Variants in SUPT3H observed in about 807,000 individuals in gnomAD.
SUPT3H encodes the protein SPT3 homolog, SAGA and STAGA complex component.
A neutral mutation model predicts 44.3 loss-of-function variants in SUPT3H; 44 were observed. That is an observed-to-expected ratio of 0.99 (90% confidence interval 0.78 to 1.28). The LOEUF is 1.28. Among genes scored for constraint, SUPT3H ranks in the 50% most tolerant of loss-of-function variants. The pLI is 0.00. For missense variants in SUPT3H, 380 were observed against 387.1 expected (o/e 0.98, Z 0.15); for synonymous variants, 124 against 125.6 (o/e 0.99, Z 0.09).
intron 2 of SUPT3H, among the ~76,000 whole-genome samples, chr6:45,251,820 T>C (rs1444350623): frequency 6.6e-6 from 1 of 152,176 alleles, no homozygotes; most frequent in Non-Finnish European, 1.5e-5. Context: ...TGATGATAAA[T>C]GTCAGTATTT....
At chr6:45,181,536 A>G (rs1395111955) in intron 2 of SUPT3H, among the ~76,000 whole-genome samples, 5 of 151,924 alleles carry the variant, frequency 3.3e-5, no homozygotes, top group South Asian at 2.1e-4. Flanking sequence ...CTATGCAGCC[A>G]TAAAAAATGA....
Position 44,906,492 on chromosome 6 carries a change from G to A in SUPT3H, c.912+26161C>T, listed in dbSNP as rs186906207. Among the ~76,000 whole-genome samples, 73 of 152,278 alleles carry A rather than the reference G, an allele frequency of 4.8e-4. 1 individual carries two copies. The East Asian group carries it at 0.011, about 23-fold the overall frequency. ...TAAAACAAAAGCAGTGGCTGGGCGC[G>A]GTGGCTCATGCCTGTAATCGCAGCG... On this transcript the variant is annotated intron_variant, in intron 10 of 10. Coordinates refer to ENST00000371459, the MANE Select transcript of SUPT3H (RefSeq NM_003599.4).
intron 9 of SUPT3H, 133 bp downstream of exon 9, chr6:44,953,177 G>T: frequency 1.5e-6 from 1 of 663,128 alleles, no homozygotes; most frequent in Non-Finnish European, 2.6e-6. Context: ...TTATTTGAAT[G>T]TCTAATGTAT....
chr6:45,141,813 A>C (rs1805263632), intron 2 of SUPT3H, among the ~76,000 whole-genome samples: 1 of 152,230 alleles, frequency 6.6e-6, no homozygotes, highest in Non-Finnish European at 1.5e-5. Flanking sequence ...AGAGAAATCT[A>C]AAGTGTGGAA....
At chr6:45,185,775 G>A (rs916191596) in intron 2 of SUPT3H, among the ~76,000 whole-genome samples, 3 of 152,152 alleles carry the variant, frequency 2.0e-5, no homozygotes, top group African/African-American at 7.2e-5. Context: ...TAAAACCTTT[G>A]CTTGGAGACT....
chr6:45,304,156 G>A (rs9381383), intron 2 of SUPT3H, among the ~76,000 whole-genome samples: 60,938 of 151,758 alleles, frequency 0.4, 12,645 homozygotes, highest in East Asian at 0.71. Flanking sequence ...CTTTATAAAT[G>A]GAAAAATAAT....
At chr6:45,252,052 A>ATAT (rs1253187544) in intron 2 of SUPT3H, among the ~76,000 whole-genome samples, 8 of 152,232 alleles carry the variant, frequency 5.3e-5, no homozygotes, top group Non-Finnish European at 8.8e-5. Context: ...GAAGATGAAG[A>ATAT]TATGGTCAAC....
intron 10 of SUPT3H, among the ~76,000 whole-genome samples, chr6:44,837,889 T>C (rs888117233): frequency 2.0e-5 from 3 of 152,208 alleles, no homozygotes; most frequent in Admixed American, 1.3e-4. Context: ...TTCAAGGTCT[T>C]AGACAATACT....
rs78914350 is a variant in SUPT3H at position 45,249,335 on chromosome 6, G to C, written c.101+115866C>G. Among the ~76,000 whole-genome samples, 1,421 of 151,886 alleles carry C rather than the reference G, an allele frequency of 9.4e-3. 22 individuals are homozygous for C. The highest frequency in any genetic ancestry group is 0.033 in the African/African-American group (1,358 of 41,402). On this transcript the variant is annotated intron_variant, in intron 2 of 10. Transcript: ENST00000371459. ...GCAAACATTACATGCTCTAACTTAA[G>C]AAGGAAATAGTATATCTAGTCAAAT...
At chr6:44,847,958 C>CTTTTTTGTTTTTTTTTTT (rs1772171388) in intron 10 of SUPT3H, among the ~76,000 whole-genome samples, 1 of 58,350 alleles carries the variant, frequency 1.7e-5, no homozygotes, top group African/African-American at 6.9e-5. Flanking sequence ...ATCTCTGTGT[C>CTTTTTTGTTTTTTTTTTT]TTTTTTTTTT....
chr6:45,244,729 C>G (rs1266858050), intron 2 of SUPT3H, among the ~76,000 whole-genome samples: 1 of 152,168 alleles, frequency 6.6e-6, no homozygotes, highest in Admixed American at 6.6e-5. Context: ...CTTCCACACC[C>G]AACATTCTCT....
intron 2 of SUPT3H, among the ~76,000 whole-genome samples, chr6:45,205,009 A>T (rs1378642599): frequency 2.6e-5 from 4 of 152,192 alleles, no homozygotes. Context: ...GTTGGGCTCA[A>T]CTTTCTCATG....
At chr6:45,009,977 G>A (rs1024022644) in intron 5 of SUPT3H, among the ~76,000 whole-genome samples, 10 of 107,530 alleles carry the variant, frequency 9.3e-5, no homozygotes, top group African/African-American at 2.8e-4. Context: ...ATCCATGAAC[G>A]TAGGATGTCT....
intron 3 of SUPT3H, among the ~76,000 whole-genome samples, chr6:45,083,239 C>T (rs1583448093): frequency 1.3e-5 from 2 of 151,098 alleles, no homozygotes; most frequent in Admixed American, 6.6e-5. Flanking sequence ...TAGCCCAGGC[C>T]GGAGTGCAGT....
At chr6:45,074,651 AAACCACTG>A (rs1323068547) in intron 3 of SUPT3H, among the ~76,000 whole-genome samples, 1 of 152,046 alleles carries the variant, frequency 6.6e-6, no homozygotes, top group Non-Finnish European at 1.5e-5. Flanking sequence ...ATGGTAATAG[AAACCACTG>A]GAGGAAGTAA....
chr6:45,052,372 C>A (rs1562344604), intron 3 of SUPT3H, among the ~76,000 whole-genome samples: 1 of 152,140 alleles, frequency 6.6e-6, no homozygotes, highest in Non-Finnish European at 1.5e-5. Context: ...TATCAGGTGA[C>A]AAGAGCTAAG....
intron 3 of SUPT3H, among the ~76,000 whole-genome samples, chr6:45,096,907 G>A (rs926806363): frequency 2.0e-5 from 3 of 152,130 alleles, no homozygotes; most frequent in Middle Eastern, 6.8e-3. Flanking sequence ...TATCTATCAG[G>A]AGATAATAGC....
At chr6:45,247,607 T>C (rs770131987) in intron 2 of SUPT3H, among the ~76,000 whole-genome samples, 1 of 152,106 alleles carries the variant, frequency 6.6e-6, no homozygotes, top group Non-Finnish European at 1.5e-5. Flanking sequence ...AAGAAGTGTG[T>C]TCTTTGTGCC....
intron 10 of SUPT3H, among the ~76,000 whole-genome samples, chr6:44,904,651 C>T (rs1000068917): frequency 4.6e-5 from 7 of 152,148 alleles, no homozygotes; most frequent in Non-Finnish European, 8.8e-5. Context: ...ACTTTCTTCA[C>T]AGAATTGGAA....
Sources: gnomAD v4.1 joint callset for allele counts (sites outside exome capture counted in the v4.1 genomes callset) on GRCh38, gnomAD v4.1.1 for gene constraint, MANE v1.5 for transcripts, NCBI Gene and HGNC (gene_info 2026-07-23, HGNC 2026-07-21) for gene names.